Variants in RAI14 observed in about 807,000 individuals in gnomAD.
RAI14 encodes the protein ankycorbin.
Under a neutral mutation model 115.4 loss-of-function variants are expected in RAI14, and 45 were observed. The observed-to-expected ratio is 0.39, with a 90% confidence interval of 0.31 to 0.50. RAI14 has a LOEUF of 0.50. RAI14 is among the 20% of genes least tolerant of loss of function. The pLI is 0.85. For missense variants in RAI14, 939 were observed against 1,131.2 expected (o/e 0.83, Z 2.44); for synonymous variants, 371 against 415.4 (o/e 0.89, Z 1.30).
intron 3 of RAI14, among the ~76,000 whole-genome samples, chr5:34,785,622 T>G (rs979150189): frequency 6.6e-6 from 1 of 152,196 alleles, no homozygotes; most frequent in Non-Finnish European, 1.5e-5. Flanking sequence ...GAGAAGTGAT[T>G]GAAATGTCCA....
At chr5:34,797,897 C>T (rs972414655) in intron 4 of RAI14, among the ~76,000 whole-genome samples, 5 of 152,168 alleles carry the variant, frequency 3.3e-5, no homozygotes, top group Non-Finnish European at 7.4e-5. Context: ...TAAACTGGTG[C>T]CGTCACACGG....
chr5:34,808,239 C>T (rs1362400134), intron 6 of RAI14, among the ~76,000 whole-genome samples: 1 of 152,178 alleles, frequency 6.6e-6, no homozygotes, highest in Non-Finnish European at 1.5e-5. Context: ...AGTATGATTA[C>T]ACAACTTGAA....
At chr5:34,688,492 G>C (rs1237059563) in intron 2 of RAI14, among the ~76,000 whole-genome samples, 1 of 152,060 alleles carries the variant, frequency 6.6e-6, no homozygotes, top group Non-Finnish European at 1.5e-5. Flanking sequence ...AGTAGGGAGG[G>C]TGTTGCTGGA....
At chr5:34,732,640 C>T (rs377212828) in intron 2 of RAI14, among the ~76,000 whole-genome samples, 16 of 151,370 alleles carry the variant, frequency 1.1e-4, no homozygotes, top group African/African-American at 3.4e-4. Context: ...GGTTTTGCCA[C>T]GTTGGCCAGG....
At position 34,823,354 on chromosome 5, in the gene RAI14, G is replaced by A. The variant is rs745378705; in HGVS notation, c.1512G>A (p.Lys504=). The change falls in exon 15 of 18, where the codon AAG becomes AAA. Residue 504 remains lysine (K), a synonymous_variant. Coordinates refer to ENST00000265109, the MANE Select transcript of RAI14 (RefSeq NM_015577.3). This position sits in a 1 kb window ranked among gnomAD's most constrained non-coding sequence, Gnocchi z 4.5. The part of the protein sequence containing the change: ...EAMKEVLSVQ[K]QMKLGLVSPE... ...TGAAAGAAGTCCTTAGTGTGCAGAA[G>A]CAGATGAAACTCGGTCTTGTCTCAC... 6.2e-6 allele frequency: 10 copies of A among 1,613,958 alleles called. No homozygotes were observed. The Admixed American group carries it at 1.3e-4, about 22-fold the overall frequency.
intron 1 of RAI14, among the ~76,000 whole-genome samples, chr5:34,665,031 A>ATGTGTATATATATATGTGTATATATATG (rs371181547): frequency 4.8e-4 from 15 of 31,448 alleles, no homozygotes; most frequent in South Asian, 6.8e-3. Context: ...GTATATATAT[A>ATGTGTATATATATATGTGTATATATATG]TGTATATATA....
chr5:34,763,670 G>T (rs1192003529), intron 3 of RAI14, among the ~76,000 whole-genome samples: 1 of 152,168 alleles, frequency 6.6e-6, no homozygotes, highest in Non-Finnish European at 1.5e-5. Flanking sequence ...GTAAAATACT[G>T]CATGTAAGGG....
intron 3 of RAI14, among the ~76,000 whole-genome samples, chr5:34,767,008 A>G (rs780939800): frequency 4.6e-5 from 7 of 152,168 alleles, no homozygotes; most frequent in Non-Finnish European, 8.8e-5. Context: ...CCACCAAGTA[A>G]GAAGTGCCTT....
intron 2 of RAI14, among the ~76,000 whole-genome samples, chr5:34,715,400 C>T (rs1405429733): frequency 3.3e-5 from 5 of 152,172 alleles, no homozygotes; most frequent in Non-Finnish European, 5.9e-5. Context: ...GCTTGGTCCA[C>T]GCCCCAGTAT....
intron 1 of RAI14, among the ~76,000 whole-genome samples, chr5:34,659,352 C>T (rs536174526): frequency 2.0e-4 from 30 of 152,210 alleles, no homozygotes; most frequent in Non-Finnish European, 4.0e-4. Flanking sequence ...ACTACAGCCT[C>T]AATCTCCTGG....
At chr5:34,696,303 C>T (rs999801801) in intron 2 of RAI14, among the ~76,000 whole-genome samples, 2 of 151,872 alleles carry the variant, frequency 1.3e-5, no homozygotes, top group African/African-American at 4.8e-5. Flanking sequence ...ACGCCTGGCT[C>T]ATTTTTTTAT....
chr5:34,743,411 T>C (rs947286585), intron 2 of RAI14, among the ~76,000 whole-genome samples: 10 of 152,212 alleles, frequency 6.6e-5, no homozygotes, highest in Non-Finnish European at 2.9e-5. Flanking sequence ...CTCTGTTCCA[T>C]TTCTAAGGAT....
At chr5:34,784,078 C>A (rs577258365) in intron 3 of RAI14, among the ~76,000 whole-genome samples, 2 of 152,316 alleles carry the variant, frequency 1.3e-5, no homozygotes, top group African/African-American at 2.4e-5. Context: ...CGGAATGCAC[C>A]ATTTGGCAAG....
intron 3 of RAI14, among the ~76,000 whole-genome samples, chr5:34,768,736 C>A (rs1314023608): frequency 6.6e-6 from 1 of 152,142 alleles, no homozygotes; most frequent in East Asian, 1.9e-4. Flanking sequence ...CACCTGTAAT[C>A]CCAGCACTTT....
intron 10 of RAI14, among the ~76,000 whole-genome samples, 180 bp downstream of exon 10, chr5:34,812,388 C>T (rs11950067): frequency 0.034 from 5,208 of 152,196 alleles, 91 homozygotes; most frequent in South Asian, 0.05. Flanking sequence ...GTTGCCAGGC[C>T]GGGCCGGTGG....
rs182936346 is a variant in RAI14 at position 34,763,743 on chromosome 5, T to C, written c.167+6145T>C. On this transcript the variant is annotated intron_variant, in intron 3 of 17. Transcript: ENST00000265109. ...TAAGAAATGCTTCCTGCCTGAAGTG[T>C]GATATGAGGTCGGCCTTGTAGAATG... Among the ~76,000 whole-genome samples the C allele has an allele frequency of 4.4e-3, 673 of 152,292 alleles. 12 individuals are homozygous for C. Among genetic ancestry groups the C allele is most frequent in the African/African-American group, 0.015 (616 of 41,556 alleles).
Position 34,674,585 on chromosome 5 carries a change from TG to T in RAI14, c.-48-12286del, listed in dbSNP as rs1474083385. 6.2e-5 allele frequency among the ~76,000 whole-genome samples: 9 copies of T among 146,020 alleles called. No homozygotes were observed. The South Asian group carries it at 1.5e-3, about 24-fold the overall frequency. ...CTTTTGCTTTTTGAATCGGATCTTT[TG>T]TTTTTTTTTTTTTTTTGAGGCAGAA... is the stretch of plus-strand genomic sequence containing the variant. On this transcript the variant is annotated intron_variant, in intron 1 of 17. Coordinates refer to ENST00000265109, the MANE Select transcript of RAI14 (RefSeq NM_015577.3).
At chr5:34,829,451 G>A (rs1580389058) in intron 16 of RAI14, among the ~76,000 whole-genome samples, 2 of 152,244 alleles carry the variant, frequency 1.3e-5, no homozygotes, top group East Asian at 3.9e-4. Flanking sequence ...GCCGCCCAAA[G>A]AGCATATATT....
At chr5:34,757,418 G>C (rs181821790) in intron 2 of RAI14, 50 bp from the exon 3 acceptor site, 2 of 1,601,372 alleles carry the variant, frequency 1.2e-6, no homozygotes, top group Non-Finnish European at 1.7e-6. Flanking sequence ...TGGTCAGTGC[G>C]GCTGTGGCCA....
Sources: gnomAD v4.1 joint callset for allele counts (sites outside exome capture counted in the v4.1 genomes callset) on GRCh38, gnomAD v4.1.1 for gene constraint, Gnocchi (gnomAD v3.1) non-coding constraint, MANE v1.5 for transcripts, NCBI Gene and HGNC (gene_info 2026-07-23, HGNC 2026-07-21) for gene names.